SLC49A3: variants seen among roughly 807,000 people sequenced by gnomAD.
The protein encoded by SLC49A3 is solute carrier family 49 member 3, also known as solute carrier family 49 member A3.
In SLC49A3, 50 loss-of-function variants were observed where a neutral mutation model predicts 43.8. The ratio of observed to expected loss-of-function variants is 1.14; its 90% CI spans 0.91 to 1.45. The LOEUF (loss-of-function observed/expected upper bound fraction) is 1.45. Ranked by LOEUF, SLC49A3 falls within the 40% of genes most tolerant of loss-of-function variation. SLC49A3 has a pLI of 0.00. For missense variants in SLC49A3, 906 were observed against 774.1 expected, an observed-to-expected ratio of 1.17 and a Z score of -2.02; for synonymous variants, 413 against 352.0, an observed-to-expected ratio of 1.17 and a Z score of -1.94.
At chr4:681,125 G>A (rs1432593445), downstream of SLC49A3, 1 of 1,607,174 alleles carries the variant, frequency 6.2e-7, no homozygotes, top group Non-Finnish European at 8.5e-7. Context: ...AGGCTGACAA[G>A]ATGACGGCGG....
At chr4:679,099 A>G (rs762367005), downstream of SLC49A3, 23 of 1,330,806 alleles carry the variant, frequency 1.7e-5, no homozygotes, top group Non-Finnish European at 2.0e-5. Flanking sequence ...CTCCAGCTCC[A>G]GACGCCGCGG....
upstream of SLC49A3, among the ~76,000 whole-genome samples, chr4:690,019 C>A (rs756168904): frequency 6.6e-6 from 1 of 152,224 alleles, no homozygotes; most frequent in South Asian, 2.1e-4. Context: ...GGGAGGCTCT[C>A]TTGACCCTTG....
chr4:683,357 A>G lies in SLC49A3; in HGVS notation c.1004T>C (p.Leu335Pro). ...AGCCAGGGCAAGGGTCTGTCCCTGC[A>G]GCTGGGACACCTGGGAGCAGCGGAA... Reference protein sequence around the residue: ...ACVPFALVSQLQGQTLALAAT... With the variant: ...ACVPFALVSQPQGQTLALAAT... The change falls in exon 8 of 10, where the codon CTG becomes CCG. Residue 335 changes from leucine to proline, a missense_variant. Leu to Pro is a moderately conservative substitution (Grantham distance 98). Transcript: ENST00000322224. 1 of 1,610,422 alleles carries G rather than the reference A, an allele frequency of 6.2e-7. No individual in the cohort carries two copies. Among genetic ancestry groups the G allele is most frequent in the Non-Finnish European group, 8.5e-7 (1 of 1,178,522 alleles).
rs751058346 is a variant in SLC49A3, at chr4:681,988, GGAGT to G, written c.1646_1649del (p.His549ProfsTer8). The G allele has an allele frequency of 2.2e-5, 31 of 1,410,266 alleles. No homozygotes were observed. The Admixed American group carries it at 5.9e-4, about 27-fold the overall frequency. The allele number at this position is 1,410,266 out of a possible 1,614,324, so 87.4% of individuals were successfully genotyped here. ...TGATCACCCACGGGGAGGAGAAGGAGGAGTGAGACCCAGCCGGGTCAATAAACCT... is the reference window on the plus strand; with the variant it reads ...TGATCACCCACGGGGAGGAGAAGGAGGAGACCCAGCCGGGTCAATAAACCT... On this transcript the variant is annotated frameshift_variant, in exon 10 of 10. Transcript: ENST00000322224. LOFTEE classifies it high-confidence loss of function.
At position 686,162 on chromosome 4, in the gene SLC49A3, G is replaced by A. The variant is rs938771222; in HGVS notation, c.435C>T (p.Phe145=). 3 of 1,613,404 alleles carry A rather than the reference G, an allele frequency of 1.9e-6. No individual in the cohort carries two copies. Among genetic ancestry groups the A allele is most frequent in the Non-Finnish European group, 2.5e-6 (3 of 1,180,012 alleles). ...LCALAQSLVI[F]SPAKLAALWF... is the part of the protein sequence containing the mutation. ...ACAAGGCAGCCAGCTTGGCTGGAGA[G>A]AAGATGACCAGGCTCTGGGCAAGGG... Residue 145 remains phenylalanine, a synonymous_variant, in exon 3 of 10, where the codon TTC becomes TTT. Coordinates refer to ENST00000322224, the MANE Select transcript of SLC49A3 (RefSeq NM_032219.4).
chr4:679,773 C>G, downstream of SLC49A3: 1 of 670,780 alleles, frequency 1.5e-6, no homozygotes, highest in South Asian at 1.8e-5. Context: ...CCCACTGCCC[C>G]ACGTGCCTGG....
chr4:681,889 G>T lies in SLC49A3; in HGVS notation c.*69C>A. The T allele has an allele frequency of 2.3e-6, 3 of 1,314,432 alleles. No individual in the cohort carries two copies. The highest frequency in any genetic ancestry group is 2.9e-6 in the Non-Finnish European group (3 of 1,022,352). 81.4% of individuals were successfully genotyped at this position (1,314,432 alleles called of 1,614,324 possible). A position where few individuals can be genotyped will look rare whatever the true frequency, so the allele number is the denominator to read the frequency against. ...GCAAGGAGCCCTTTCGCCCCCGCCC[G>T]CAGGTGGACCAGATGTTCCAGTTCG... is the stretch of plus-strand genomic sequence containing the variant. On this transcript the variant is annotated 3_prime_UTR_variant, in exon 10 of 10. Coordinates refer to ENST00000322224, the MANE Select transcript of SLC49A3 (RefSeq NM_032219.4).
intron 1 of SLC49A3, among the ~76,000 whole-genome samples, chr4:687,558 C>T (rs969161362): frequency 6.6e-6 from 1 of 152,224 alleles, no homozygotes; most frequent in Admixed American, 6.5e-5. Context: ...CCTGCGGAGC[C>T]GAGCCCGCCG....
downstream of SLC49A3, chr4:678,657 G>A (rs1739107718): frequency 1.2e-6 from 2 of 1,604,766 alleles, no homozygotes; most frequent in African/African-American, 1.3e-5. Flanking sequence ...TCCCACCGCA[G>A]GCCAGCAGGA....
At chr4:686,874 C>T (rs950080882) in intron 1 of SLC49A3, among the ~76,000 whole-genome samples, 184 bp from the exon 2 acceptor site, 1 of 152,160 alleles carries the variant, frequency 6.6e-6, no homozygotes, top group African/African-American at 2.4e-5. Flanking sequence ...GGGCGGGCAC[C>T]CAGCGCAGGG....
chr4:683,402 G>A, intron 7 of SLC49A3, 35 bp from the exon 8 acceptor site: 1 of 1,594,156 alleles, frequency 6.3e-7, no homozygotes, highest in Non-Finnish European at 8.5e-7. Context: ...GACAGGTGGA[G>A]GGGGTGGCAG....
Position 683,781 on chromosome 4 carries a change from G to A in SLC49A3, c.841-20C>T. On this transcript the variant is annotated intron_variant, in intron 6 of 9. Transcript: ENST00000322224. ...AAACCCCTGGAGGAGGCGAGAAGAG[G>A]CCAGGGCCCCAAGAGGCCACCATTA... 1.9e-6 allele frequency: 3 copies of A among 1,547,792 alleles called. No individual in the cohort carries two copies. Among genetic ancestry groups the A allele is most frequent in the Non-Finnish European group, 2.6e-6 (3 of 1,145,832 alleles).
At position 683,343 on chromosome 4, in the gene SLC49A3, G is replaced by C. The variant is rs141973392; in HGVS notation, c.1018C>G (p.Leu340Val). ...ALVSQLQGQTLALAATCSLLG... is the reference protein window; with the variant it reads ...ALVSQLQGQTVALAATCSLLG... ...AGCGAGCAGGTGGCAGCCAGGGCAAGGGTCTGTCCCTGCAGCTGGGACACC... is the reference window on the plus strand; with the variant it reads ...AGCGAGCAGGTGGCAGCCAGGGCAACGGTCTGTCCCTGCAGCTGGGACACC... The change falls in exon 8 of 10, where the codon CTT becomes GTT. Residue 340 changes from leucine to valine, a missense_variant. Coordinates refer to ENST00000322224, the MANE Select transcript of SLC49A3 (RefSeq NM_032219.4). 1.6e-5 allele frequency: 26 copies of C among 1,611,784 alleles called. No homozygotes were observed. In the African/African-American group the frequency reaches 3.3e-4, roughly 21 times the overall value.
chr4:679,776 G>C, downstream of SLC49A3: 1 of 682,954 alleles, frequency 1.5e-6, no homozygotes, highest in Non-Finnish European at 2.5e-6. Context: ...ACTGCCCCAC[G>C]TGCCTGGGCC....
chr4:686,628 C>G lies in SLC49A3; in HGVS notation c.198G>C (p.Glu66Asp), dbSNP rs1741095880. Residue 66 changes from glutamate (E) to aspartate (D), a missense_variant, in exon 2 of 10, where the codon GAG becomes GAC. Transcript: ENST00000322224. Reference protein sequence around the residue: ...VIAEDLVLSMEQINWLSLVYL... With the variant: ...VIAEDLVLSMDQINWLSLVYL... ...AGACCAGTGACAGCCAGTTGATCTG[C>G]TCCATGGACAGGACCAAGTCCTCAG... 1 of 1,613,262 alleles carries G rather than the reference C, an allele frequency of 6.2e-7. No individual in the cohort carries two copies. Among genetic ancestry groups the G allele is most frequent in the Admixed American group, 1.7e-5 (1 of 60,006 alleles).
chr4:685,370 A>G lies in SLC49A3; in HGVS notation c.585+465T>C, dbSNP rs992279178. On this transcript the variant is annotated intron_variant, in intron 4 of 9. Coordinates refer to ENST00000322224, the MANE Select transcript of SLC49A3 (RefSeq NM_032219.4). The surrounding 1 kb of genome is among the most constrained non-coding windows in gnomAD (Gnocchi z 4.3). ...AGGAACAGAGACACGCACCGCACAC[A>G]CCACACACACTCAATACACACAGGC... Among the ~76,000 whole-genome samples the G allele has an allele frequency of 1.3e-5, 2 of 151,770 alleles. No individual in the cohort carries two copies. Among genetic ancestry groups the G allele is most frequent in the Non-Finnish European group, 2.9e-5 (2 of 67,936 alleles).
chr4:682,061 G>A lies in SLC49A3; in HGVS notation c.1577C>T (p.Ala526Val), dbSNP rs536819649. ...PRAQGPAATD[A>V]PSRPGRLAGR... ...TGCGAGTCTGCCGGGGCGGGAGGGC[G>A]CGTCGGTGGCTGCTGGGCCTTGCGC... The change falls in exon 10 of 10, where the codon GCG (alanine) becomes GTG (valine). Residue 526 changes from alanine to valine, a missense_variant. By Grantham distance (64) the Ala-to-Val change is moderately conservative (BLOSUM62 0). Transcript: ENST00000322224. 6.2e-5 allele frequency: 87 copies of A among 1,410,862 alleles called. No homozygotes were observed. The highest frequency in any genetic ancestry group is 4.7e-4 in the South Asian group (30 of 63,622). The allele number at this position is 1,410,862 out of a possible 1,614,324, so 87.4% of individuals were successfully genotyped here. A position where few individuals can be genotyped will look rare whatever the true frequency, so the allele number is the denominator to read the frequency against.
Position 686,532 on chromosome 4 carries a change from C to A in SLC49A3, c.294G>T (p.Ala98=), listed in dbSNP as rs199585186. The change falls in exon 2 of 10, where the codon GCG becomes GCT. Residue 98 remains alanine (A), a splice_region_variant and synonymous_variant. Transcript: ENST00000322224. ...WILDSVGLRA[A]TILGAWLNFA... is the part of the protein sequence containing the mutation. ...GGCCATGGTGTGGGGTCTGACTCAC[C>A]GCCGCACGGAGCCCGACGGAGTCCA... The A allele has an allele frequency of 6.2e-7, 1 of 1,611,770 alleles. No homozygotes were observed. Among genetic ancestry groups the A allele is most frequent in the East Asian group, 2.2e-5 (1 of 44,882 alleles).
At chr4:683,043 C>T (rs562772366) in intron 8 of SLC49A3, among the ~76,000 whole-genome samples, 153 bp from the exon 9 acceptor site, 5 of 152,290 alleles carry the variant, frequency 3.3e-5, no homozygotes, top group African/African-American at 7.2e-5. Context: ...TCAGCCGGCC[C>T]GGCCTGCACA....
Sources: allele counts gnomAD v4.1 joint callset (sites outside exome capture counted in the v4.1 genomes callset), GRCh38; gene constraint gnomAD v4.1.1; non-coding constraint Gnocchi (gnomAD v3.1); transcripts MANE v1.5; gene names NCBI Gene and HGNC (gene_info 2026-07-23, HGNC 2026-07-21).